ATP10B: variants seen among roughly 807,000 people sequenced by gnomAD.
ATP10B encodes the protein ATPase phospholipid transporting 10B (putative).
A neutral mutation model predicts 141.2 loss-of-function variants in ATP10B; 122 were observed. The observed-to-expected ratio is 0.86, with a 90% confidence interval of 0.75 to 1.00. ATP10B has a LOEUF of 1.00. Among genes scored for constraint, ATP10B ranks in the 50% least tolerant of loss-of-function variants. The probability of loss-of-function intolerance (pLI) is 0.00; values close to 1 mark genes in which losing one functional copy is unlikely to be tolerated. For missense variants in ATP10B, 1,876 were observed against 1,825.3 expected (o/e 1.03, Z -0.51); for synonymous variants, 685 against 692.0 (o/e 0.99, Z 0.16).
chr5:160,752,409 C>T (rs2127824855), intron 2 of ATP10B, among the ~76,000 whole-genome samples: 1 of 152,232 alleles, frequency 6.6e-6, no homozygotes, highest in South Asian at 2.1e-4. Flanking sequence ...ATGACTATTC[C>T]ACTTAGCATA....
At chr5:160,802,878 C>T (rs985506668) in intron 1 of ATP10B, among the ~76,000 whole-genome samples, 5 of 152,148 alleles carry the variant, frequency 3.3e-5, no homozygotes, top group Non-Finnish European at 5.9e-5. Flanking sequence ...GGAGGTTTCT[C>T]TTCAGTTTCA....
chr5:160,791,700 G>A (rs1014312283), intron 1 of ATP10B, among the ~76,000 whole-genome samples: 2 of 152,170 alleles, frequency 1.3e-5, no homozygotes, highest in African/African-American at 4.8e-5. Context: ...ATACTTCTCA[G>A]TAGCTGTTTA....
chr5:160,764,942 G>T (rs1184403685), intron 2 of ATP10B, among the ~76,000 whole-genome samples: 1 of 151,984 alleles, frequency 6.6e-6, no homozygotes, highest in African/African-American at 2.4e-5. Context: ...ATTAAATCAA[G>T]AACTCAACCC....
At chr5:160,844,640 G>T (rs1776010025) in intron 1 of ATP10B, among the ~76,000 whole-genome samples, 1 of 151,950 alleles carries the variant, frequency 6.6e-6, no homozygotes, top group Non-Finnish European at 1.5e-5. Flanking sequence ...CCACCTCCCG[G>T]GTTCAAGTGA....
chr5:160,917,079 G>C, the ATP10B span, among the ~76,000 whole-genome samples: 235 of 152,162 alleles, frequency 1.5e-3, 1 homozygote, highest in Non-Finnish European at 2.8e-3. Context: ...TGCCCACCAT[G>C]GTGGCTCTAT....
chr5:160,656,816 C>A lies in ATP10B; in HGVS notation c.676-7560G>T, dbSNP rs150382504. Among the ~76,000 whole-genome samples the A allele has an allele frequency of 2.1e-3, 318 of 152,204 alleles. 1 individual carries two copies. Among genetic ancestry groups the A allele is most frequent in the African/African-American group, 7.2e-3 (301 of 41,534 alleles). On this transcript the variant is annotated intron_variant, in intron 7 of 25. Coordinates refer to ENST00000327245, the MANE Select transcript of ATP10B (RefSeq NM_025153.3). ...TAGGAAATATCATTCACGAAAGATT[C>A]TGTCGATTGAAGAAAGGGAAACCAA...
intron 1 of ATP10B, among the ~76,000 whole-genome samples, chr5:160,791,976 G>T (rs1359582050): frequency 2.0e-5 from 3 of 152,028 alleles, no homozygotes; most frequent in East Asian, 3.9e-4. Flanking sequence ...CTGACCAAAG[G>T]CTCTTCTCTC....
chr5:160,576,564 A>G (rs902074462), intron 24 of ATP10B, among the ~76,000 whole-genome samples: 8 of 152,206 alleles, frequency 5.3e-5, no homozygotes, highest in Admixed American at 3.3e-4. Flanking sequence ...TAAGTGTTTA[A>G]TAAGAGAAAT....
At chr5:160,797,429 A>T (rs979708020) in intron 1 of ATP10B, among the ~76,000 whole-genome samples, 1 of 152,160 alleles carries the variant, frequency 6.6e-6, no homozygotes, top group Non-Finnish European at 1.5e-5. Flanking sequence ...TTGCTTCTGC[A>T]GCACTTTTTC....
chr5:160,811,643 T>C (rs144519421), intron 1 of ATP10B, among the ~76,000 whole-genome samples: 504 of 152,284 alleles, frequency 3.3e-3, no homozygotes, highest in Non-Finnish European at 5.7e-3. Flanking sequence ...GGAAGTACTG[T>C]GTCCCATGGT....
chr5:160,821,326 T>A (rs1249076260), intron 1 of ATP10B, among the ~76,000 whole-genome samples: 1 of 152,136 alleles, frequency 6.6e-6, no homozygotes, highest in African/African-American at 2.4e-5. Context: ...AAGATCTTTA[T>A]AGTAAAAACT....
At chr5:160,629,772 C>A (rs577663299) in intron 13 of ATP10B, among the ~76,000 whole-genome samples, 1 of 152,158 alleles carries the variant, frequency 6.6e-6, no homozygotes, top group Non-Finnish European at 1.5e-5. Flanking sequence ...TTTCAGTAAG[C>A]CCACCAAAGT....
intron 3 of ATP10B, among the ~76,000 whole-genome samples, chr5:160,691,218 C>G (rs1240877937): frequency 6.6e-6 from 1 of 151,860 alleles, no homozygotes; most frequent in African/African-American, 2.4e-5. Context: ...GGGTTAGGGG[C>G]TAGGGGAGGG....
chr5:160,809,177 G>A (rs1006147345), intron 1 of ATP10B, among the ~76,000 whole-genome samples: 1 of 152,158 alleles, frequency 6.6e-6, no homozygotes, highest in Non-Finnish European at 1.5e-5. Context: ...ATAGGCACTA[G>A]TTGTTCTCTG....
intron 7 of ATP10B, among the ~76,000 whole-genome samples, chr5:160,653,456 T>C (rs1262890744): frequency 5.0e-5 from 3 of 60,332 alleles, no homozygotes; most frequent in Admixed American, 2.2e-4. Flanking sequence ...AGGTAGTATA[T>C]ATACATATGT....
chr5:160,781,886 G>A (rs2127883003), intron 2 of ATP10B, among the ~76,000 whole-genome samples: 1 of 152,298 alleles, frequency 6.6e-6, no homozygotes, highest in South Asian at 2.1e-4. Context: ...ACTCTTGACT[G>A]ACAAGGATGG....
the ATP10B span, among the ~76,000 whole-genome samples, chr5:160,888,190 A>G: frequency 6.6e-6 from 1 of 152,214 alleles, no homozygotes; most frequent in Non-Finnish European, 1.5e-5. Context: ...GGCATACACT[A>G]CCATAAATAT....
intron 2 of ATP10B, among the ~76,000 whole-genome samples, chr5:160,750,488 C>T (rs1052117239): frequency 6.6e-6 from 1 of 152,152 alleles, no homozygotes; most frequent in Non-Finnish European, 1.5e-5. Flanking sequence ...ATTGTTGGTT[C>T]TAAGTCATAA....
At chr5:160,723,008 C>T (rs538073886) in intron 2 of ATP10B, among the ~76,000 whole-genome samples, 32 of 152,296 alleles carry the variant, frequency 2.1e-4, no homozygotes, top group African/African-American at 7.5e-4. Flanking sequence ...ATTTTCCTTT[C>T]GCCAAGGCAT....
Sources: gnomAD v4.1 joint callset for allele counts (sites outside exome capture counted in the v4.1 genomes callset) on GRCh38, gnomAD v4.1.1 for gene constraint, MANE v1.5 for transcripts, NCBI Gene and HGNC (gene_info 2026-07-23, HGNC 2026-07-21) for gene names.